STK3: variants seen among roughly 807,000 people sequenced by gnomAD.
STK3 encodes the protein serine/threonine kinase 3.
Under a neutral mutation model 58.0 loss-of-function variants are expected in STK3, and 41 were observed. That is an observed-to-expected ratio of 0.71 (90% CI 0.55 to 0.92). The LOEUF (loss-of-function observed/expected upper bound fraction) is 0.92, where lower values mean the gene tolerates loss of function less well. STK3 is among the 40% of genes least tolerant of loss of function. The pLI is 0.00. For missense variants in STK3, 479 were observed against 602.7 expected (o/e 0.79, Z 2.15); for synonymous variants, 170 against 191.0 (o/e 0.89, Z 0.91).
chr8:98,585,963 C>T (rs1016741020), intron 7 of STK3, among the ~76,000 whole-genome samples: 6 of 152,146 alleles, frequency 3.9e-5, no homozygotes, highest in African/African-American at 1.2e-4. Flanking sequence ...TGAAACTTTG[C>T]TGAAGTTGCT....
At chr8:98,400,145 T>C (rs1230175992), downstream of STK3, among the ~76,000 whole-genome samples, 1 of 152,104 alleles carries the variant, frequency 6.6e-6, no homozygotes, top group East Asian at 1.9e-4. Context: ...GATGCAAGAA[T>C]GCAGAGTCAG....
intron 7 of STK3, among the ~76,000 whole-genome samples, chr8:98,580,162 A>C (rs1813751101): frequency 6.6e-6 from 1 of 152,230 alleles, no homozygotes; most frequent in South Asian, 2.1e-4. Context: ...GTACTGAGTT[A>C]CGTAATTTAA....
the STK3 span, among the ~76,000 whole-genome samples, chr8:98,360,995 T>C: frequency 6.6e-6 from 1 of 152,174 alleles, no homozygotes. Flanking sequence ...GCACCCAAGC[T>C]CCACAGGACA....
At chr8:98,887,038 A>C (rs1212629293) in intron 1 of STK3, among the ~76,000 whole-genome samples, 1 of 152,164 alleles carries the variant, frequency 6.6e-6, no homozygotes, top group Non-Finnish European at 1.5e-5. Flanking sequence ...CGGAGTTTGC[A>C]GTGAGCCAAG....
chr8:98,751,961 A>T (rs976594069), intron 3 of STK3, among the ~76,000 whole-genome samples: 21 of 152,096 alleles, frequency 1.4e-4, no homozygotes, highest in Admixed American at 8.5e-4. Context: ...AATAAAAAAT[A>T]AAAAAATAAT....
At chr8:98,893,041 A>G (rs943896654) in intron 1 of STK3, among the ~76,000 whole-genome samples, 2 of 152,174 alleles carry the variant, frequency 1.3e-5, no homozygotes, top group African/African-American at 4.8e-5. Context: ...CTGAGAAGGA[A>G]GGTAAGAACA....
At chr8:98,456,138 T>A in intron 10 of STK3, 138 bp from the exon 11 acceptor site, 1 of 913,862 alleles carries the variant, frequency 1.1e-6, no homozygotes, top group Non-Finnish European at 1.6e-6. Context: ...CTTTGAAGTA[T>A]AGTTCAACAA....
chr8:98,761,126 CTTTT>C (rs71572022), intron 3 of STK3, among the ~76,000 whole-genome samples: 3 of 140,454 alleles, frequency 2.1e-5, no homozygotes, highest in African/African-American at 2.6e-5. Context: ...GTGACTTTTT[CTTTT>C]TTTTTTTTTT....
chr8:98,711,681 G>C (rs1476230551), intron 4 of STK3, among the ~76,000 whole-genome samples: 1 of 152,206 alleles, frequency 6.6e-6, no homozygotes, highest in Admixed American at 6.5e-5. Context: ...AAGTGATGGG[G>C]AGAATGAAAC....
chr8:98,521,535 TAATA>T (rs1489194607), intron 10 of STK3, among the ~76,000 whole-genome samples: 3 of 152,132 alleles, frequency 2.0e-5, no homozygotes, highest in African/African-American at 7.2e-5. Context: ...TCTTCAATAT[TAATA>T]TTCTTAAGAT....
intron 2 of STK3, among the ~76,000 whole-genome samples, chr8:98,771,992 T>C (rs1355709074): frequency 6.6e-6 from 1 of 152,210 alleles, no homozygotes; most frequent in Non-Finnish European, 1.5e-5. Context: ...TCTAAGTTCT[T>C]TAAGTAAGCA....
intron 3 of STK3, among the ~76,000 whole-genome samples, chr8:98,395,765 A>G (rs10088837): frequency 0.034 from 5,249 of 152,306 alleles, 281 homozygotes; most frequent in African/African-American, 0.12. Flanking sequence ...GATTACAAAC[A>G]ATGTTAGTAA....
intron 1 of STK3, among the ~76,000 whole-genome samples, chr8:98,903,764 A>C (rs1364870534): frequency 6.6e-6 from 1 of 152,042 alleles, no homozygotes; most frequent in African/African-American, 2.4e-5. Context: ...GTCCTCATCA[A>C]ATATCTCATA....
intron 1 of STK3, among the ~76,000 whole-genome samples, chr8:98,936,249 C>T (rs1840192420): frequency 6.6e-6 from 1 of 152,070 alleles, no homozygotes; most frequent in South Asian, 2.1e-4. Flanking sequence ...TCAGAATATC[C>T]TTAATTTGCA....
intron 2 of STK3, among the ~76,000 whole-genome samples, chr8:98,434,956 C>G (rs1368019473): frequency 6.6e-6 from 1 of 152,150 alleles, no homozygotes; most frequent in Non-Finnish European, 1.5e-5. Flanking sequence ...TCCAGTTAAC[C>G]TAGTGTGCTC....
At chr8:98,572,055 C>A (rs1034968898) in intron 8 of STK3, among the ~76,000 whole-genome samples, 9 of 152,138 alleles carry the variant, frequency 5.9e-5, no homozygotes, top group Admixed American at 5.2e-4. Flanking sequence ...ATTTGCTTTG[C>A]TGTTTTACTT....
chr8:98,711,835 G>C (rs1245236120), intron 4 of STK3, among the ~76,000 whole-genome samples: 3 of 152,190 alleles, frequency 2.0e-5, no homozygotes, highest in Non-Finnish European at 4.4e-5. Flanking sequence ...ATAATTGTCA[G>C]ATTCACCAAA....
chr8:98,927,061 G>A (rs1417079286), intron 1 of STK3, among the ~76,000 whole-genome samples: 1 of 152,186 alleles, frequency 6.6e-6, no homozygotes, highest in African/African-American at 2.4e-5. Context: ...GGATAACCAA[G>A]CAGATCAAGC....
exon 1 of STK3, chr8:98,942,545 C>T (rs1263061747): frequency 6.6e-6 from 1 of 152,278 alleles, no homozygotes; most frequent in Non-Finnish European, 1.5e-5. Flanking sequence ...TCTGCCTACC[C>T]CTCGGGAAAA....
Sources: gnomAD v4.1 joint callset for allele counts (sites outside exome capture counted in the v4.1 genomes callset) on GRCh38, gnomAD v4.1.1 for gene constraint, MANE v1.5 for transcripts, NCBI Gene and HGNC (gene_info 2026-07-23, HGNC 2026-07-21) for gene names.